The following PAK5 variants were observed in gnomAD, a reference collection of about 807,000 sequenced individuals.
The protein encoded by PAK5 is serine/threonine-protein kinase PAK 5.
PAK5 carries 16 observed loss-of-function variants against 65.9 expected under a neutral mutation model. The ratio of observed to expected loss-of-function variants is 0.24; its 90% CI spans 0.16 to 0.37. The LOEUF (loss-of-function observed/expected upper bound fraction) is 0.37, where lower values mean the gene tolerates loss of function less well. Among genes scored for constraint, PAK5 ranks in the 10% least tolerant of loss-of-function variants. The pLI, the probability that PAK5 is intolerant of heterozygous loss-of-function variation, is 1.00. For synonymous variants in PAK5, 371 were observed against 354.9 expected (o/e 1.05, Z -0.51); for missense variants, 785 against 903.9 (o/e 0.87, Z 1.69).
intron 1 of PAK5, among the ~76,000 whole-genome samples, chr20:9,809,017 A>G (rs955746530): frequency 3.2e-4 from 49 of 152,142 alleles, no homozygotes; most frequent in African/African-American, 1.1e-3. Flanking sequence ...GGTGGTAGGT[A>G]TGTCGATGTT....
intron 1 of PAK5, among the ~76,000 whole-genome samples, chr20:9,829,737 T>C (rs1399384162): frequency 6.6e-6 from 1 of 152,174 alleles, no homozygotes; most frequent in Non-Finnish European, 1.5e-5. Flanking sequence ...AATATTTAAA[T>C]ACTATAAATC....
chr20:9,785,636 T>A (rs908919266), intron 1 of PAK5, among the ~76,000 whole-genome samples: 1 of 152,146 alleles, frequency 6.6e-6, no homozygotes, highest in East Asian at 1.9e-4. Flanking sequence ...GAGGATGACA[T>A]AAGATTACCA....
At chr20:9,609,661 C>T (rs1467729468) in intron 3 of PAK5, among the ~76,000 whole-genome samples, 2 of 152,188 alleles carry the variant, frequency 1.3e-5, no homozygotes, top group African/African-American at 2.4e-5. Flanking sequence ...CATTTGGGCA[C>T]TGGCCATACT....
chr20:9,593,607 G>A (rs2046212646), intron 3 of PAK5, among the ~76,000 whole-genome samples: 1 of 152,142 alleles, frequency 6.6e-6, no homozygotes, highest in African/African-American at 2.4e-5. Flanking sequence ...GGTGTGCGAT[G>A]TTCCCCTCCC....
intron 1 of PAK5, among the ~76,000 whole-genome samples, chr20:9,730,430 G>A (rs1284685827): frequency 6.6e-6 from 1 of 152,156 alleles, no homozygotes; most frequent in Non-Finnish European, 1.5e-5. Context: ...GTACACTTCT[G>A]TGGAACCTTC....
At chr20:9,595,516 G>A (rs1603238501) in intron 3 of PAK5, among the ~76,000 whole-genome samples, 1 of 151,648 alleles carries the variant, frequency 6.6e-6, no homozygotes, top group Non-Finnish European at 1.5e-5. Context: ...TCTTCTCTAA[G>A]TTATATCTCA....
intron 1 of PAK5, among the ~76,000 whole-genome samples, chr20:9,743,494 C>G (rs1392946286): frequency 6.6e-6 from 1 of 152,074 alleles, no homozygotes. Flanking sequence ...TAACTTGTAT[C>G]AGACTCTTAG....
intron 9 of PAK5, among the ~76,000 whole-genome samples, chr20:9,540,048 G>A (rs1043096866): frequency 6.6e-6 from 1 of 152,108 alleles, no homozygotes; most frequent in Admixed American, 6.5e-5. Context: ...CTTCTGTAAG[G>A]ATATCGAACA....
chr20:9,553,120 A>T (rs1415027363), intron 7 of PAK5, among the ~76,000 whole-genome samples: 1 of 152,170 alleles, frequency 6.6e-6, no homozygotes, highest in East Asian at 1.9e-4. Flanking sequence ...GCTACAGTAC[A>T]ATATCAACAC....
chr20:9,616,993 TGTGTGATTCA>T (rs1004408756), intron 3 of PAK5, among the ~76,000 whole-genome samples: 8 of 152,234 alleles, frequency 5.3e-5, no homozygotes, highest in African/African-American at 1.9e-4. Context: ...ATTGCAATTG[TGTGTGATTCA>T]GACAGAATAA....
chr20:9,799,678 T>C (rs991772939), intron 1 of PAK5, among the ~76,000 whole-genome samples: 3 of 151,966 alleles, frequency 2.0e-5, no homozygotes, highest in Non-Finnish European at 4.4e-5. Flanking sequence ...TAATTGAATG[T>C]TTTGGGAATA....
At chr20:9,610,808 T>C (rs116391239) in intron 3 of PAK5, among the ~76,000 whole-genome samples, 76 of 152,276 alleles carry the variant, frequency 5.0e-4, no homozygotes, top group African/African-American at 1.8e-3. Context: ...GAAATCCCAG[T>C]GTGAGGTGGG....
At chr20:9,734,762 G>A (rs536838523) in intron 1 of PAK5, among the ~76,000 whole-genome samples, 154 of 152,166 alleles carry the variant, frequency 1.0e-3, no homozygotes, top group Non-Finnish European at 1.3e-3. Flanking sequence ...TAATAAAGTC[G>A]TCTAGCAAAT....
chr20:9,571,824 C>T (rs1029562522), intron 4 of PAK5, among the ~76,000 whole-genome samples: 5 of 137,818 alleles, frequency 3.6e-5, no homozygotes, highest in Admixed American at 1.6e-4. Flanking sequence ...CAGACAGAGT[C>T]GCTTCAGTAC....
At chr20:9,794,246 T>A (rs1241726801) in intron 1 of PAK5, among the ~76,000 whole-genome samples, 1 of 151,954 alleles carries the variant, frequency 6.6e-6, no homozygotes, top group African/African-American at 2.4e-5. Flanking sequence ...AAAACCTAGA[T>A]GACAGGTTGA....
At chr20:9,601,452 A>G (rs1600121155) in intron 3 of PAK5, among the ~76,000 whole-genome samples, 1 of 152,326 alleles carries the variant, frequency 6.6e-6, no homozygotes, top group East Asian at 1.9e-4. Flanking sequence ...TGATCGTCCC[A>G]ATAGCCCTAG....
At position 9,674,261 on chromosome 20, in the gene PAK5, C is replaced by CT. The variant is rs201916501; in HGVS notation, c.-11-29923dup. Among the ~76,000 whole-genome samples the CT allele has an allele frequency of 9.5e-3, 1,427 of 150,556 alleles. 14 individuals carry two copies. The highest frequency in any genetic ancestry group is 0.033 in the African/African-American group (1,344 of 41,022). On this transcript the variant is annotated intron_variant, in intron 2 of 9. Coordinates refer to ENST00000353224, the MANE Select transcript of PAK5 (RefSeq NM_177990.4). The stretch of plus-strand genomic sequence containing the variant: ...ACAGTTCTAACAATGACTCCTCACC[C>CT]TTTTTTTTTCCTGAGCTAACCAAGA...
chr20:9,655,751 C>T (rs76116816), intron 2 of PAK5, among the ~76,000 whole-genome samples: 12,746 of 152,144 alleles, frequency 0.084, 683 homozygotes, highest in Non-Finnish European at 0.12. Flanking sequence ...AACAAAGTAA[C>T]ACAGATTGGG....
chr20:9,577,226 G>A (rs1039691674), intron 4 of PAK5: 2 of 146,366 alleles, frequency 1.4e-5, no homozygotes, highest in African/African-American at 4.9e-5. Flanking sequence ...CTTAAATGTA[G>A]GGAGAGGAGG....
Sources: gnomAD v4.1 joint callset for allele counts (sites outside exome capture counted in the v4.1 genomes callset) on GRCh38, gnomAD v4.1.1 for gene constraint, MANE v1.5 for transcripts, NCBI Gene and HGNC (gene_info 2026-07-23, HGNC 2026-07-21) for gene names.